The following VCAN variants were observed in gnomAD, a reference collection of about 807,000 sequenced individuals.
VCAN encodes versican, also known as versican core protein.
VCAN carries 44 observed loss-of-function variants against 245.5 expected under a neutral mutation model. The ratio of observed to expected loss-of-function variants is 0.18; its 90% confidence interval spans 0.14 to 0.23. The LOEUF (loss-of-function observed/expected upper bound fraction) is 0.23. VCAN is among the 10% of genes least tolerant of loss of function. The probability of loss-of-function intolerance (pLI) is 1.00; values close to 1 mark genes in which losing one functional copy is unlikely to be tolerated. For synonymous variants in VCAN, 1,413 were observed against 1,437.0 expected, an observed-to-expected ratio of 0.98 and a Z score of 0.38; for missense variants, 3,793 against 4,057.9, an observed-to-expected ratio of 0.93 and a Z score of 1.77.
chr5:83,503,489 A>T (rs1220609255), intron 5 of VCAN, among the ~76,000 whole-genome samples: 2 of 152,220 alleles, frequency 1.3e-5, no homozygotes, highest in Non-Finnish European at 2.9e-5. Flanking sequence ...ACAAATGTTG[A>T]ACTTTTGTAG....
chr5:83,487,474 A>G (rs1744832512), intron 2 of VCAN, among the ~76,000 whole-genome samples: 1 of 152,244 alleles, frequency 6.6e-6, no homozygotes, highest in Non-Finnish European at 1.5e-5. Context: ...TCCTGTAGGT[A>G]GCAGATTTCT....
chr5:83,549,333 T>A (rs779459575), intron 10 of VCAN, among the ~76,000 whole-genome samples: 1 of 152,204 alleles, frequency 6.6e-6, no homozygotes, highest in Non-Finnish European at 1.5e-5. Context: ...AGAATAAAAT[T>A]TAGTTCTTTA....
intron 12 of VCAN, among the ~76,000 whole-genome samples, chr5:83,568,744 GC>G (rs1748175736): frequency 6.6e-6 from 1 of 152,018 alleles, no homozygotes; most frequent in East Asian, 1.9e-4. Context: ...TTCATTTTTA[GC>G]AATTAGAAAA....
At chr5:83,557,789 T>C (rs1347772085) in intron 12 of VCAN, among the ~76,000 whole-genome samples, 2 of 152,108 alleles carry the variant, frequency 1.3e-5, no homozygotes. Context: ...CTGTACAACA[T>C]AAACAAGAAC....
chr5:83,512,700 A>G lies in VCAN; in HGVS notation c.1042+304A>G, dbSNP rs564878800. 3 of 247,280 alleles carry G rather than the reference A, an allele frequency of 1.2e-5. No individual in the cohort carries two copies. The East Asian group carries it at 2.5e-4, about 21-fold the overall frequency. 15.3% of individuals were successfully genotyped at this position (247,280 alleles called of 1,614,324 possible). On this transcript the variant is annotated intron_variant, in intron 6 of 14. Coordinates refer to ENST00000265077, the MANE Select transcript of VCAN (RefSeq NM_004385.5). The stretch of plus-strand genomic sequence containing the variant: ...GTATTTTATATTAATTGCAGTCCTT[A>G]AGTTTTGCAATTTGTTTATTGGTGT...
At chr5:83,580,209 C>T (rs1748618926) in intron 14 of VCAN, 47 bp downstream of exon 14, 1 of 1,613,760 alleles carries the variant, frequency 6.2e-7, no homozygotes, top group African/African-American at 1.3e-5. Context: ...ATAACAACTA[C>T]TAGACACCTT....
chr5:83,496,597 C>T (rs1205692517), intron 5 of VCAN, among the ~76,000 whole-genome samples: 1 of 152,188 alleles, frequency 6.6e-6, no homozygotes, highest in Admixed American at 6.5e-5. Context: ...GGAGGATATT[C>T]AGCATGTTTA....
rs202246515 is a variant in VCAN, at chr5:83,483,635, A to G, written c.70+47A>G. 3,969 of 1,547,108 alleles carry G rather than the reference A, an allele frequency of 2.6e-3. 10 individuals are homozygous for G. Among genetic ancestry groups the G allele is most frequent in the Non-Finnish European group, 3.2e-3 (3,567 of 1,119,648 alleles). On this transcript the variant is annotated intron_variant, in intron 2 of 14. Transcript: ENST00000265077. Reference sequence around the variant, plus strand: ...TTGGTGTTAATTGAAATAAAAATGTAAGTGCTGGAGGATGAAATGGCAATG... The same window carrying G: ...TTGGTGTTAATTGAAATAAAAATGTGAGTGCTGGAGGATGAAATGGCAATG...
Position 83,471,772 on chromosome 5 carries a change from G to T in VCAN, c.-258G>T, listed in dbSNP as rs1011685375. The stretch of plus-strand genomic sequence containing the variant: ...TTTGAACTTGCAGGCGAGCTGCCCC[G>T]AGCCTTTCTGGGGAAGAACTCCAGG... On this transcript the variant is annotated 5_prime_UTR_variant, in exon 1 of 15. Transcript: ENST00000265077. 1.3e-5 allele frequency: 5 copies of T among 398,682 alleles called. No individual in the cohort carries two copies. The highest frequency in any genetic ancestry group is 7.1e-5 in the East Asian group (2 of 28,076). 24.7% of individuals were successfully genotyped at this position (398,682 alleles called of 1,614,324 possible).
chr5:83,566,878 G>T (rs1366612314), intron 12 of VCAN, among the ~76,000 whole-genome samples: 2 of 152,196 alleles, frequency 1.3e-5, no homozygotes, highest in East Asian at 1.9e-4. Flanking sequence ...GAGTTCGATA[G>T]ACTTCAATGA....
intron 7 of VCAN, among the ~76,000 whole-genome samples, chr5:83,534,562 T>C (rs558849122): frequency 1.3e-5 from 2 of 152,214 alleles, no homozygotes; most frequent in South Asian, 4.1e-4. Flanking sequence ...TTCTTAATCA[T>C]GAATTCTAGT....
Position 83,539,614 on chromosome 5 carries a change from A to G in VCAN, c.6611A>G (p.His2204Arg). The G allele has an allele frequency of 6.2e-7, 1 of 1,614,070 alleles. No homozygotes were observed. The highest frequency in any genetic ancestry group is 1.3e-5 in the African/African-American group (1 of 75,054). Residue 2204 changes from histidine to arginine, a missense_variant, in exon 8 of 15, where the codon CAT (histidine) becomes CGT (arginine). Physicochemically the swap from His to Arg is conservative, Grantham distance 29. Coordinates refer to ENST00000265077, the MANE Select transcript of VCAN (RefSeq NM_004385.5). Reference sequence around the variant, plus strand: ...CTCCCTGAAGCTACTGAAAAGTCACATTTTTTCTTAGCTACTGCATTAGTA... The same window carrying G: ...CTCCCTGAAGCTACTGAAAAGTCACGTTTTTTCTTAGCTACTGCATTAGTA... ...TTLPEATEKS[H>R]FFLATALVTE... is the part of the protein sequence containing the mutation.
At chr5:83,571,156 C>G (rs1748273289) in intron 12 of VCAN, among the ~76,000 whole-genome samples, 1 of 152,052 alleles carries the variant, frequency 6.6e-6, no homozygotes, top group Non-Finnish European at 1.5e-5. Flanking sequence ...CTCAAATTGA[C>G]CCAGAAAGGC....
chr5:83,501,138 CCA>C (rs1481745284), intron 5 of VCAN, among the ~76,000 whole-genome samples: 1 of 152,012 alleles, frequency 6.6e-6, no homozygotes, highest in Non-Finnish European at 1.5e-5. Flanking sequence ...GAAACTTTGC[CCA>C]CTTATAATTG....
chr5:83,476,685 G>GT (rs1561222164), intron 1 of VCAN, among the ~76,000 whole-genome samples: 28 of 151,794 alleles, frequency 1.8e-4, no homozygotes, highest in South Asian at 8.3e-4. Context: ...TGTGTGTGTG[G>GT]GGGGTGCGTG....
intron 5 of VCAN, among the ~76,000 whole-genome samples, chr5:83,502,931 TA>T (rs1745375468): frequency 6.6e-6 from 1 of 152,206 alleles, no homozygotes; most frequent in Non-Finnish European, 1.5e-5. Context: ...AGCCTAACAC[TA>T]ACTCTGGGGT....
At chr5:83,496,894 C>A (rs1337254204) in intron 5 of VCAN, among the ~76,000 whole-genome samples, 1 of 152,184 alleles carries the variant, frequency 6.6e-6, no homozygotes, top group Non-Finnish European at 1.5e-5. Context: ...CATAAAATTA[C>A]GTCTGGTATT....
chr5:83,511,380 C>T (rs1474516016), intron 5 of VCAN, among the ~76,000 whole-genome samples: 2 of 151,920 alleles, frequency 1.3e-5, no homozygotes, highest in Non-Finnish European at 2.9e-5. Flanking sequence ...TCCAAAGAGG[C>T]TGGAGTTCCT....
Position 83,561,250 on chromosome 5 carries a change from T to C in VCAN, c.9735+6212T>C, listed in dbSNP as rs556687162. Among the ~76,000 whole-genome samples the C allele has an allele frequency of 2.0e-5, 3 of 152,190 alleles. No homozygotes were observed. In the East Asian group the frequency reaches 5.8e-4, roughly 29 times the overall value. Reference sequence around the variant, plus strand: ...GAGAAAACAGAGAGACTTTCTCTCTTCTACATTTGTCCAAATCTGGTCAGG... The same window carrying C: ...GAGAAAACAGAGAGACTTTCTCTCTCCTACATTTGTCCAAATCTGGTCAGG... On this transcript the variant is annotated intron_variant, in intron 12 of 14. Coordinates refer to ENST00000265077, the MANE Select transcript of VCAN (RefSeq NM_004385.5).
Sources: allele counts gnomAD v4.1 joint callset (sites outside exome capture counted in the v4.1 genomes callset), GRCh38; gene constraint gnomAD v4.1.1; transcripts MANE v1.5; gene names NCBI Gene and HGNC (gene_info 2026-07-23, HGNC 2026-07-21).